Variants in WWOX observed in about 807,000 individuals in gnomAD.
WWOX encodes the protein WW domain-containing oxidoreductase.
Under a neutral mutation model 46.2 loss-of-function variants are expected in WWOX, and 69 were observed. The observed-to-expected ratio is 1.49, with a 90% CI of 1.23 to 1.82. WWOX has a LOEUF of 1.82. WWOX is among the 40% of genes most tolerant of loss of function. The pLI, the probability that WWOX is intolerant of heterozygous loss-of-function variation, is 0.00. For missense variants in WWOX, 919 were observed against 542.6 expected, an observed-to-expected ratio of 1.69 and a Z score of -6.89; for synonymous variants, 359 against 202.6, an observed-to-expected ratio of 1.77 and a Z score of -6.56.
chr16:78,982,023 T>C (rs1191092605), intron 8 of WWOX, among the ~76,000 whole-genome samples: 2 of 152,164 alleles, frequency 1.3e-5, no homozygotes, highest in African/African-American at 2.4e-5. Context: ...CATCTGTCTC[T>C]AAGGGCTCTG....
chr16:78,192,507 AAAAAG>A (rs2035915422), intron 5 of WWOX, among the ~76,000 whole-genome samples: 1 of 151,720 alleles, frequency 6.6e-6, no homozygotes, highest in Admixed American at 6.6e-5. Flanking sequence ...AAAAAAAAAA[AAAAAG>A]AAAGAAAACA....
intron 8 of WWOX, among the ~76,000 whole-genome samples, chr16:78,649,184 C>T (rs2046910569): frequency 6.6e-6 from 1 of 152,092 alleles, no homozygotes; most frequent in Non-Finnish European, 1.5e-5. Flanking sequence ...GGGATTTCAC[C>T]ATGTTGGCCA....
chr16:79,172,260 C>G (rs1272617829), intron 8 of WWOX, among the ~76,000 whole-genome samples: 1 of 152,326 alleles, frequency 6.6e-6, no homozygotes, highest in South Asian at 2.1e-4. Flanking sequence ...CTGTGTATAT[C>G]CCACAGCTTT....
intron 8 of WWOX, among the ~76,000 whole-genome samples, chr16:78,585,507 C>G (rs775384190): frequency 6.6e-6 from 1 of 152,156 alleles, no homozygotes; most frequent in Non-Finnish European, 1.5e-5. Context: ...GTTAATTTAG[C>G]AAACCCCAGG....
At chr16:78,982,868 T>A (rs1029256961) in intron 8 of WWOX, among the ~76,000 whole-genome samples, 59 of 152,182 alleles carry the variant, frequency 3.9e-4, no homozygotes, top group African/African-American at 1.4e-3. Context: ...CTAAACTAAT[T>A]TCATCAAATT....
At chr16:78,216,005 T>G (rs143981815) in intron 5 of WWOX, among the ~76,000 whole-genome samples, 17 of 152,016 alleles carry the variant, frequency 1.1e-4, no homozygotes, top group African/African-American at 3.9e-4. Context: ...GATGAGCCAC[T>G]AACTGGCTCC....
At chr16:78,441,962 G>A (rs1288555195) in intron 8 of WWOX, among the ~76,000 whole-genome samples, 5 of 111,146 alleles carry the variant, frequency 4.5e-5, no homozygotes, top group Admixed American at 1.6e-4. Flanking sequence ...GCGCATGAGT[G>A]TGTGTGTGTG....
intron 8 of WWOX, among the ~76,000 whole-genome samples, chr16:79,075,550 TC>T (rs1355149466): frequency 2.0e-3 from 1 of 512 alleles, no homozygotes; most frequent in Non-Finnish European, 3.1e-3. Context: ...TCTCTCTCTC[TC>T]TTTTTTTTTT....
chr16:78,182,965 A>G (rs1228435254), intron 5 of WWOX, among the ~76,000 whole-genome samples: 4 of 144,060 alleles, frequency 2.8e-5, no homozygotes, highest in Non-Finnish European at 3.0e-5. Context: ...AAAAAAAAAA[A>G]AAGAAAGAAA....
chr16:78,359,935 A>C lies in WWOX; in HGVS notation c.517-26925A>C, dbSNP rs548588684. ...GTTAGTTTTCTGTGGAGGGAACAAC[A>C]CTCATCTTGCAAATTTGCCTTCACT... On this transcript the variant is annotated intron_variant, in intron 5 of 8. Transcript: ENST00000566780. Among the ~76,000 whole-genome samples the C allele has an allele frequency of 8.5e-5, 13 of 152,248 alleles. No homozygotes were observed. The East Asian group carries it at 2.3e-3, about 27-fold the overall frequency.
chr16:78,668,792 C>T (rs2047392847), intron 8 of WWOX, among the ~76,000 whole-genome samples: 1 of 152,072 alleles, frequency 6.6e-6, no homozygotes, highest in Non-Finnish European at 1.5e-5. Context: ...GAGGGAATAG[C>T]AGGTACAGCA....
At chr16:79,128,930 C>G (rs1005248623) in intron 8 of WWOX, among the ~76,000 whole-genome samples, 3 of 152,148 alleles carry the variant, frequency 2.0e-5, no homozygotes, top group Non-Finnish European at 4.4e-5. Flanking sequence ...GCCATTGTTG[C>G]CCAGTGTGAA....
intron 8 of WWOX, among the ~76,000 whole-genome samples, chr16:78,765,395 G>A (rs536851146): frequency 9.2e-5 from 14 of 152,280 alleles, no homozygotes; most frequent in Non-Finnish European, 1.3e-4. Context: ...CGTAAGATTC[G>A]GGGCCGGGCA....
intron 8 of WWOX, among the ~76,000 whole-genome samples, chr16:78,729,193 T>A (rs989106979): frequency 6.6e-6 from 1 of 151,596 alleles, no homozygotes; most frequent in Non-Finnish European, 1.5e-5. Flanking sequence ...AAATAAAAAA[T>A]TAGCCAGACA....
At chr16:78,253,066 A>T (rs932406314) in intron 5 of WWOX, among the ~76,000 whole-genome samples, 1 of 152,188 alleles carries the variant, frequency 6.6e-6, no homozygotes, top group Non-Finnish European at 1.5e-5. Context: ...CAATTGTTCA[A>T]ATTTTCCAGC....
At chr16:78,321,303 CGT>C (rs1491351265) in intron 5 of WWOX, among the ~76,000 whole-genome samples, 23 of 73,550 alleles carry the variant, frequency 3.1e-4, no homozygotes, top group African/African-American at 1.0e-3. Context: ...TATATATATA[CGT>C]ATATATATGC....
At chr16:79,054,630 TG>T (rs796936638) in intron 8 of WWOX, among the ~76,000 whole-genome samples, 77 of 152,280 alleles carry the variant, frequency 5.1e-4, no homozygotes, top group African/African-American at 1.8e-3. Context: ...AGGACCATCC[TG>T]GGCAACATAG....
chr16:78,969,728 A>G (rs751154228), intron 8 of WWOX, among the ~76,000 whole-genome samples: 1 of 152,222 alleles, frequency 6.6e-6, no homozygotes, highest in Non-Finnish European at 1.5e-5. Flanking sequence ...ACATTGTACT[A>G]ATCAAAAAAG....
At chr16:79,113,028 C>T (rs1424104) in intron 8 of WWOX, among the ~76,000 whole-genome samples, 60,631 of 152,082 alleles carry the variant, frequency 0.4, 13,069 homozygotes, top group African/African-American at 0.57. Flanking sequence ...AGCCCAGTGC[C>T]AGGTGCTGAA....
Sources: gnomAD v4.1 joint callset for allele counts (sites outside exome capture counted in the v4.1 genomes callset) on GRCh38, gnomAD v4.1.1 for gene constraint, MANE v1.5 for transcripts, NCBI Gene and HGNC (gene_info 2026-07-23, HGNC 2026-07-21) for gene names.